The following SMG1 variants were observed in gnomAD, a reference collection of about 807,000 sequenced individuals.
The protein encoded by SMG1 is serine/threonine-protein kinase SMG1.
Under a neutral mutation model 419.9 loss-of-function variants are expected in SMG1, and 22 were observed. The ratio of observed to expected loss-of-function variants is 0.05; its 90% confidence interval spans 0.04 to 0.07. The LOEUF (loss-of-function observed/expected upper bound fraction) is 0.07. Among genes scored for constraint, SMG1 ranks in the 10% least tolerant of loss-of-function variants. The pLI is 1.00. For synonymous variants in SMG1, 1,538 were observed against 1,553.5 expected, an observed-to-expected ratio of 0.99 and a Z score of 0.23; for missense variants, 3,185 against 4,342.0, an observed-to-expected ratio of 0.73 and a Z score of 7.49.
At position 18,830,269 on chromosome 16, in the gene SMG1, C is replaced by T; in HGVS notation, c.8893G>A (p.Asp2965Asn). ...GTTTCAACTTGAGCAAACATGCCAT[C>T]GAATGCTACCAAAAGCATCTGGCCA... ...SAGQMLLVAFDGMFAQVETAF... is the reference protein window; with the variant it reads ...SAGQMLLVAFNGMFAQVETAF... The change falls in exon 52 of 63, where the codon GAT becomes AAT. Residue 2965 changes from aspartate (D) to asparagine (N), a missense_variant. Transcript: ENST00000446231. 3 of 1,613,932 alleles carry T rather than the reference C, an allele frequency of 1.9e-6. No individual in the cohort carries two copies. Among genetic ancestry groups the T allele is most frequent in the South Asian group, 1.1e-5 (1 of 91,068 alleles).
intron 24 of SMG1, 57 bp from the exon 25 acceptor site, chr16:18,863,908 A>G (rs2035347058): frequency 6.3e-7 from 1 of 1,587,074 alleles, no homozygotes; most frequent in African/African-American, 1.3e-5. Flanking sequence ...GAAATATTTC[A>G]AAGAGCACAG....
intron 33 of SMG1, among the ~76,000 whole-genome samples, chr16:18,850,911 G>C (rs1567366779): frequency 6.6e-6 from 1 of 151,982 alleles, no homozygotes; most frequent in African/African-American, 2.4e-5. Flanking sequence ...CCACTACCAC[G>C]CCCTGCTGTT....
Position 18,896,854 on chromosome 16 carries a change from C to T in SMG1, c.195G>A (p.Val65=). The change falls in exon 2 of 63, where the codon GTG becomes GTA. Residue 65 remains valine (V), a synonymous_variant. Transcript: ENST00000446231. The stretch of plus-strand genomic sequence containing the variant: ...TATCATCGTGCCTTTGCCGAGACAC[C>T]ACAGCTGAATTTGAAGGTTGCAGTC... ...SYGLQPSNSA[V]VSRQRHDDTR... is the part of the protein sequence containing the mutation. 6.2e-7 allele frequency: 1 copy of T among 1,609,426 alleles called. No individual in the cohort carries two copies. The highest frequency in any genetic ancestry group is 8.5e-7 in the Non-Finnish European group (1 of 1,178,344).
intron 9 of SMG1, among the ~76,000 whole-genome samples, chr16:18,883,394 A>G (rs773256617): frequency 6.6e-6 from 1 of 152,256 alleles, no homozygotes; most frequent in African/African-American, 2.4e-5. Context: ...CATATGTAAG[A>G]GGAAAATCTT....
At chr16:18,880,483 T>G (rs1275871921) in intron 10 of SMG1, among the ~76,000 whole-genome samples, 1 of 152,170 alleles carries the variant, frequency 6.6e-6, no homozygotes, top group Non-Finnish European at 1.5e-5. Context: ...CAGGATTAGC[T>G]GGAAGGTTCT....
chr16:18,896,991 A>C (rs1243781866), intron 1 of SMG1, 35 bp from the exon 2 acceptor site: 2 of 1,350,172 alleles, frequency 1.5e-6, no homozygotes, highest in African/African-American at 3.0e-5. Context: ...TTAGAACTTT[A>C]AATAACATAA....
chr16:18,874,746 A>G (rs1483486652), intron 13 of SMG1, among the ~76,000 whole-genome samples: 1 of 150,186 alleles, frequency 6.7e-6, no homozygotes, highest in Admixed American at 6.6e-5. Context: ...GGTGTCTGTA[A>G]TCTCAGCTGC....
intron 19 of SMG1, among the ~76,000 whole-genome samples, 183 bp from the exon 20 acceptor site, chr16:18,869,486 T>A (rs926003444): frequency 6.6e-6 from 1 of 152,120 alleles, no homozygotes; most frequent in African/African-American, 2.4e-5. Flanking sequence ...AGTTAACAGG[T>A]TGAGGTACAG....
intron 5 of SMG1, among the ~76,000 whole-genome samples, chr16:18,889,952 A>T (rs578121722): frequency 2.6e-5 from 4 of 152,364 alleles, no homozygotes; most frequent in African/African-American, 4.8e-5. Context: ...CCAATATGTA[A>T]TGACTATAAA....
intron 1 of SMG1, among the ~76,000 whole-genome samples, chr16:18,906,923 T>C (rs2037584278): frequency 6.6e-6 from 1 of 152,236 alleles, no homozygotes; most frequent in Non-Finnish European, 1.5e-5. Flanking sequence ...CTGAGTAGGG[T>C]TGAGCAGTTT....
Position 18,913,950 on chromosome 16 carries a change from T to C in SMG1, c.92+12000A>G, listed in dbSNP as rs571931331. Reference sequence around the variant, plus strand: ...GGAAGCCAAGGCAGGGGGCATCACCTGAGGTCGGGAGATGAAGAACATCCT... The same window carrying C: ...GGAAGCCAAGGCAGGGGGCATCACCCGAGGTCGGGAGATGAAGAACATCCT... On this transcript the variant is annotated intron_variant, in intron 1 of 62. Transcript: ENST00000446231. Among the ~76,000 whole-genome samples the C allele has an allele frequency of 3.9e-5, 6 of 152,130 alleles. No individual in the cohort carries two copies. The South Asian group carries it at 1.2e-3, about 32-fold the overall frequency.
chr16:18,866,778 G>A lies in SMG1; in HGVS notation c.3196-3C>T, dbSNP rs1326380788. 1 of 1,596,816 alleles carries A rather than the reference G, an allele frequency of 6.3e-7. No individual in the cohort carries two copies. Among genetic ancestry groups the A allele is most frequent in the East Asian group, 2.2e-5 (1 of 44,860 alleles). On this transcript the variant is annotated splice_region_variant and splice_polypyrimidine_tract_variant and intron_variant, in intron 22 of 62. Transcript: ENST00000446231. ...ATGGTTACTTCCAATTCATTCCCCT[G>A]AAAACGCATTCAGAAAAATTAGTCA...
At chr16:18,840,897 T>C (rs2033877804) in intron 41 of SMG1, among the ~76,000 whole-genome samples, 2 of 152,164 alleles carry the variant, frequency 1.3e-5, no homozygotes, top group Admixed American at 6.5e-5. Context: ...CTTTTGCCTC[T>C]TATATAACTA....
chr16:18,829,153 G>C (rs1050157390), intron 54 of SMG1, 133 bp downstream of exon 54: 2 of 668,454 alleles, frequency 3.0e-6, no homozygotes, highest in Non-Finnish European at 5.0e-6. Context: ...AAAATGCTAT[G>C]GTGTGTTTGC....
At chr16:18,845,043 T>C (rs1354959796) in intron 39 of SMG1, among the ~76,000 whole-genome samples, 1 of 152,244 alleles carries the variant, frequency 6.6e-6, no homozygotes, top group Non-Finnish European at 1.5e-5. Context: ...TTAGAAATAC[T>C]GAATGCTCTC....
chr16:18,836,926 G>C (rs1194494863), intron 46 of SMG1, among the ~76,000 whole-genome samples: 1 of 152,160 alleles, frequency 6.6e-6, no homozygotes, highest in Non-Finnish European at 1.5e-5. Flanking sequence ...TGAAGTAGCT[G>C]CCATTGTACA....
chr16:18,845,390 A>C, intron 39 of SMG1, 39 bp downstream of exon 39: 3 of 1,546,614 alleles, frequency 1.9e-6, no homozygotes, highest in Non-Finnish European at 2.7e-6. Context: ...GGGAACTGTG[A>C]TGTGCCATTT....
At chr16:18,907,725 G>A (rs1374679799) in intron 1 of SMG1, among the ~76,000 whole-genome samples, 2 of 151,048 alleles carry the variant, frequency 1.3e-5, no homozygotes, top group African/African-American at 4.9e-5. Context: ...GTGGTGCAGC[G>A]CCTGTAGTCC....
chr16:18,910,940 C>G (rs1457033538), intron 1 of SMG1, among the ~76,000 whole-genome samples: 1 of 152,126 alleles, frequency 6.6e-6, no homozygotes, highest in Non-Finnish European at 1.5e-5. Context: ...TCTTAAATTC[C>G]AACTGTGTAG....
Sources: gnomAD v4.1 joint callset for allele counts (sites outside exome capture counted in the v4.1 genomes callset) on GRCh38, gnomAD v4.1.1 for gene constraint, MANE v1.5 for transcripts, NCBI Gene and HGNC (gene_info 2026-07-23, HGNC 2026-07-21) for gene names.